Variants in FRMPD3 observed in about 807,000 individuals in gnomAD.
The protein encoded by FRMPD3 is FERM and PDZ domain-containing protein 3.
A neutral mutation model predicts 97.9 loss-of-function variants in FRMPD3; 42 were observed. The ratio of observed to expected loss-of-function variants is 0.43; its 90% confidence interval spans 0.34 to 0.55. The LOEUF (loss-of-function observed/expected upper bound fraction) is 0.55. FRMPD3 is among the 20% of genes least tolerant of loss of function. The pLI is 0.03. For missense variants in FRMPD3, 1,303 were observed against 1,457.7 expected (o/e 0.89, Z 1.73); for synonymous variants, 577 against 581.1 (o/e 0.99, Z 0.10).
intron 5 of FRMPD3, among the ~76,000 whole-genome samples, chrX:107,546,952 T>G (rs769663889): frequency 3.0e-4 from 34 of 111,782 alleles, no homozygotes; most frequent in African/African-American, 1.0e-3. Context: ...TCCCTGACTC[T>G]CATTCCCAAA....
intron 1 of FRMPD3, among the ~76,000 whole-genome samples, chrX:107,468,306 C>T (rs1471191073): frequency 8.9e-6 from 1 of 112,039 alleles, no homozygotes. Context: ...GGGAAAAGCA[C>T]ACAAACGAAC....
At chrX:107,488,768 AAAAC>A (rs779925980) in intron 1 of FRMPD3, among the ~76,000 whole-genome samples, 15 of 111,116 alleles carry the variant, frequency 1.3e-4, no homozygotes, top group South Asian at 1.2e-3. Flanking sequence ...GAGGGGCAAA[AAAAC>A]AAACAAACAA....
chrX:107,580,665 T>C (rs980086168), intron 13 of FRMPD3, among the ~76,000 whole-genome samples: 7 of 111,701 alleles, frequency 6.3e-5, no homozygotes, highest in African/African-American at 2.3e-4. Context: ...CTGTGGACAA[T>C]GTCTTGGTGT....
chrX:107,555,397 A>G (rs1241995616), intron 8 of FRMPD3, among the ~76,000 whole-genome samples: 1 of 111,965 alleles, frequency 8.9e-6, no homozygotes, highest in Non-Finnish European at 1.9e-5. Flanking sequence ...GATTCTTTGC[A>G]ATTTCATGCT....
At position 107,601,254 on chromosome X, in the gene FRMPD3, C is replaced by T. The variant is rs1218481720; in HGVS notation, c.3215C>T (p.Ser1072Leu). 7 of 1,209,892 alleles carry T rather than the reference C, an allele frequency of 5.8e-6. No homozygotes were observed. The highest frequency in any genetic ancestry group is 7.8e-6 in the Non-Finnish European group (7 of 894,368). Reference protein sequence around the residue: ...KSYLLRTSRESVGKQATGEVA... With the variant: ...KSYLLRTSRELVGKQATGEVA... ...TATCTTTTGCGAACAAGCCGAGAGT[C>T]AGTGGGCAAGCAAGCTACAGGGGAG... The change falls in exon 15 of 15, where the codon TCA (serine) becomes TTA (leucine). Residue 1072 changes from serine (S) to leucine (L), a missense_variant. Ser to Leu is a moderately radical substitution (Grantham distance 145, BLOSUM62 -2). Around this residue, in one of 3 missense-constraint regions of FRMPD3, gnomAD observed 764 missense variants for 820.2 expected, o/e 0.93. Transcript: ENST00000683843.
At chrX:107,553,627 C>G (rs1039851415) in intron 7 of FRMPD3, among the ~76,000 whole-genome samples, 11 of 110,585 alleles carry the variant, frequency 9.9e-5, no homozygotes, top group African/African-American at 3.6e-4. Flanking sequence ...TACATGAAAG[C>G]CAAACAAAAC....
intron 11 of FRMPD3, among the ~76,000 whole-genome samples, chrX:107,564,362 C>G (rs1204138284): frequency 1.8e-5 from 2 of 112,567 alleles, no homozygotes; most frequent in Non-Finnish European, 3.8e-5. Flanking sequence ...CATGAAGTAC[C>G]CAATCAACCC....
intron 6 of FRMPD3, among the ~76,000 whole-genome samples, chrX:107,551,123 C>T (rs1318728591): frequency 1.8e-5 from 2 of 111,972 alleles, no homozygotes; most frequent in Non-Finnish European, 3.8e-5. Context: ...TTAGGTCATC[C>T]TAATGATTTG....
chrX:107,460,845 G>A (rs1425656716), intron 1 of FRMPD3, among the ~76,000 whole-genome samples: 2 of 111,513 alleles, frequency 1.8e-5, no homozygotes, highest in Non-Finnish European at 3.8e-5. Flanking sequence ...TGCCACCACC[G>A]TGAAATTGCA....
intron 13 of FRMPD3, 33 bp from the exon 14 acceptor site, chrX:107,597,288 G>C: frequency 8.9e-7 from 1 of 1,125,642 alleles, no homozygotes; most frequent in African/African-American, 1.8e-5. Context: ...CTTGGCACCA[G>C]GGCTCATCTG....
chrX:107,484,556 G>T (rs1921455364), intron 1 of FRMPD3, among the ~76,000 whole-genome samples: 1 of 112,440 alleles, frequency 8.9e-6, no homozygotes, highest in African/African-American at 3.2e-5. Context: ...TCAATCTCCT[G>T]CCCTGACAAG....
chrX:107,530,508 T>C lies in FRMPD3; in HGVS notation c.248T>C (p.Ile83Thr), dbSNP rs762024290. 8.5e-7 allele frequency: 1 copy of C among 1,170,973 alleles called. No individual in the cohort carries two copies. Among genetic ancestry groups the C allele is most frequent in the Non-Finnish European group, 1.2e-6 (1 of 869,046 alleles). Residue 83 changes from isoleucine to threonine, a missense_variant, in exon 3 of 15, where the codon ATC (isoleucine) becomes ACC (threonine). Physicochemically the swap from Ile to Thr is moderately conservative, Grantham distance 89. This residue lies in a region of FRMPD3 where 535 missense variants were observed against 618.6 expected (regional missense o/e 0.86). Coordinates refer to ENST00000683843, the MANE Select transcript of FRMPD3 (RefSeq NM_001388459.1). ...EAPRERLIEL[I>T]RSAKEFIVLT... ...CCGAGGGAGAGACTCATAGAACTTA[T>C]CAGGTAACAGGGGCCTTTTGGCAGG...
intron 1 of FRMPD3, among the ~76,000 whole-genome samples, chrX:107,462,476 A>G (rs1051640826): frequency 8.9e-6 from 1 of 112,242 alleles, no homozygotes; most frequent in Non-Finnish European, 1.9e-5. Flanking sequence ...ATGTTTCAGC[A>G]TCAGAGCTTG....
In FRMPD3 at chrX:107,526,633, A is replaced by T; in HGVS notation, c.45A>T (p.Pro15=). ...ATGATATGGAATGTGAGCAGCTGCC[A>T]GCAGAGATACTGCGACAAGTGACCG... ...SANDMECEQL[P]AEILRQVTVH... is the part of the protein sequence containing the mutation. The change falls in exon 2 of 15, where the codon CCA becomes CCT. Residue 15 remains proline (P), a synonymous_variant. Transcript: ENST00000683843. 2 of 1,207,637 alleles carry T rather than the reference A, an allele frequency of 1.7e-6. No homozygotes were observed. Among genetic ancestry groups the T allele is most frequent in the Non-Finnish European group, 2.2e-6 (2 of 894,164 alleles).
rs750484379 is a variant in FRMPD3 at position 107,602,510 on chromosome X, T to G, written c.4471T>G (p.Cys1491Gly). Residue 1491 changes from cysteine to glycine, a missense_variant, in exon 15 of 15, where the codon TGC becomes GGC. Cys to Gly is a radical substitution (Grantham distance 159). This residue lies in a region of FRMPD3 where 764 missense variants were observed against 820.2 expected (regional missense o/e 0.93). Coordinates refer to ENST00000683843, the MANE Select transcript of FRMPD3 (RefSeq NM_001388459.1). Reference sequence around the variant, plus strand: ...AGACGAGGACAGTGAGAGCAGCAAGTGCTGCTCCATCCGCTACTGCTTCTA... The same window carrying G: ...AGACGAGGACAGTGAGAGCAGCAAGGGCTGCTCCATCCGCTACTGCTTCTA... Reference protein sequence around the residue: ...ELDEDSESSKCCSIRYCFYYR... With the variant: ...ELDEDSESSKGCSIRYCFYYR... 8.3e-7 allele frequency: 1 copy of G among 1,210,340 alleles called. No individual in the cohort carries two copies. The highest frequency in any genetic ancestry group is 1.7e-5 in the African/African-American group (1 of 57,599).
intron 12 of FRMPD3, among the ~76,000 whole-genome samples, chrX:107,570,486 C>A (rs934495955): frequency 9.0e-6 from 1 of 110,985 alleles, no homozygotes. Flanking sequence ...GATGCCCAGA[C>A]TCTTCCTCCC....
intron 1 of FRMPD3, among the ~76,000 whole-genome samples, chrX:107,457,406 A>G (rs1296049959): frequency 8.9e-6 from 1 of 111,735 alleles, no homozygotes; most frequent in Non-Finnish European, 1.9e-5. Flanking sequence ...TTCTGGATAG[A>G]GAGAAGGTAA....
At chrX:107,496,111 A>G (rs780093131) in intron 1 of FRMPD3, among the ~76,000 whole-genome samples, 4 of 112,222 alleles carry the variant, frequency 3.6e-5, no homozygotes, top group African/African-American at 6.5e-5. Flanking sequence ...AGCTCATGTA[A>G]AGTGACTGAC....
At chrX:107,576,209 G>T in intron 12 of FRMPD3, 106 bp from the exon 13 acceptor site, 1 of 922,264 alleles carries the variant, frequency 1.1e-6, no homozygotes, top group Non-Finnish European at 1.5e-6. Context: ...AGACAGTATG[G>T]TTCCTTTAAC....
Sources: allele counts gnomAD v4.1 joint callset (sites outside exome capture counted in the v4.1 genomes callset), GRCh38; gene constraint gnomAD v4.1.1; regional missense constraint gnomAD v4.1.1; transcripts MANE v1.5; gene names NCBI Gene and HGNC (gene_info 2026-07-23, HGNC 2026-07-21).